DUSP16: variants seen among roughly 807,000 people sequenced by gnomAD.
DUSP16 encodes the protein dual specificity protein phosphatase 16.
DUSP16 carries 21 observed loss-of-function variants against 58.3 expected under a neutral mutation model. That is an observed-to-expected ratio of 0.36 (90% CI 0.26 to 0.52). DUSP16 has a LOEUF of 0.52. Ranked by LOEUF, DUSP16 falls within the 20% of genes least tolerant of loss-of-function variation. The pLI is 0.94. For missense variants in DUSP16, 726 were observed against 819.0 expected, an observed-to-expected ratio of 0.89 and a Z score of 1.39; for synonymous variants, 320 against 323.8, an observed-to-expected ratio of 0.99 and a Z score of 0.12.
intron 4 of DUSP16, among the ~76,000 whole-genome samples, chr12:12,492,751 C>G (rs1163041777): frequency 6.6e-6 from 1 of 152,086 alleles, no homozygotes; most frequent in Non-Finnish European, 1.5e-5. Flanking sequence ...AACACTCTAC[C>G]AAAACTGCTC....
rs1256601741 is a variant in DUSP16 at position 12,503,678 on chromosome 12, G to A, written c.368-2996C>T. ...ACTGGCGTCCTGCAAGAAGCTGACAGACAGGATAGCGGTCTAAAAAGTGAG... is the reference window on the plus strand; with the variant it reads ...ACTGGCGTCCTGCAAGAAGCTGACAAACAGGATAGCGGTCTAAAAAGTGAG... On this transcript the variant is annotated intron_variant, in intron 3 of 6. Coordinates refer to ENST00000298573, the MANE Select transcript of DUSP16 (RefSeq NM_030640.3). 2.0e-5 allele frequency among the ~76,000 whole-genome samples: 3 copies of A among 152,272 alleles called. No individual in the cohort carries two copies. The East Asian group carries it at 5.8e-4, about 29-fold the overall frequency.
At position 12,477,145 on chromosome 12, in the gene DUSP16, C is replaced by T; in HGVS notation, c.1686G>A (p.Glu562=). The change falls in exon 7 of 7, where the codon GAG becomes GAA. Residue 562 remains glutamate, a synonymous_variant. Transcript: ENST00000298573. The surrounding 1 kb of genome is among the most constrained non-coding windows in gnomAD (Gnocchi z 4.1). The stretch of plus-strand genomic sequence containing the variant: ...CTGAGGCAGAGTAGAAGTGTGAGGA[C>T]TCTGTGGCAAAATACCAGCTGCTGG... The part of the protein sequence containing the change: ...SLTSSWYFAT[E]SSHFYSASAI... The T allele has an allele frequency of 3.1e-6, 5 of 1,614,212 alleles. No individual in the cohort carries two copies. Among genetic ancestry groups the T allele is most frequent in the East Asian group, 4.5e-5 (2 of 44,880 alleles).
At chr12:12,494,418 G>T (rs1943801127) in intron 4 of DUSP16, among the ~76,000 whole-genome samples, 2 of 152,174 alleles carry the variant, frequency 1.3e-5, no homozygotes, top group Non-Finnish European at 2.9e-5. Flanking sequence ...AAAAGCAAGT[G>T]TTCTCACTGA....
intron 1 of DUSP16, among the ~76,000 whole-genome samples, chr12:12,532,081 C>A (rs943223644): frequency 2.6e-5 from 4 of 152,058 alleles, no homozygotes; most frequent in Admixed American, 2.0e-4. Flanking sequence ...TGGCGTGAAC[C>A]CGGGAAGCGG....
rs535785418 is a variant in DUSP16 at position 12,524,511 on chromosome 12, G to GATA, written c.-365-3049_-365-3048insTAT. Among the ~76,000 whole-genome samples, 864 of 152,332 alleles carry GATA rather than the reference G, an allele frequency of 5.7e-3. 4 individuals carry two copies. Among genetic ancestry groups the GATA allele is most frequent in the Non-Finnish European group, 9.7e-3 (658 of 68,034 alleles). ...TGGTTAAATCTCCATCACTGGCTAT[G>GATA]AGTCTAATTTTAAAAATTTCTCTGT... On this transcript the variant is annotated intron_variant, in intron 1 of 6. Coordinates refer to ENST00000298573, the MANE Select transcript of DUSP16 (RefSeq NM_030640.3).
intron 3 of DUSP16, among the ~76,000 whole-genome samples, chr12:12,502,008 A>C (rs1017907849): frequency 7.4e-6 from 1 of 135,956 alleles, no homozygotes; most frequent in Non-Finnish European, 1.8e-5. Context: ...AAATAAAAAT[A>C]AAAAAACAAC....
Position 12,483,169 on chromosome 12 carries a change from A to C in DUSP16, c.692-2823T>G, listed in dbSNP as rs140884243. Among the ~76,000 whole-genome samples, 16 of 152,316 alleles carry C rather than the reference A, an allele frequency of 1.1e-4. No homozygotes were observed. In the East Asian group the frequency reaches 2.9e-3, roughly 28 times the overall value. On this transcript the variant is annotated intron_variant, in intron 5 of 6. Transcript: ENST00000298573. Reference sequence around the variant, plus strand: ...AAAGGGGAGAGAGAACTGCAAATGAAAAGGGCAAAGATGCAGTGAGGATGA... The same window carrying C: ...AAAGGGGAGAGAGAACTGCAAATGACAAGGGCAAAGATGCAGTGAGGATGA...
At chr12:12,486,988 G>GA in intron 5 of DUSP16, 40 bp downstream of exon 5, 1 of 1,607,648 alleles carries the variant, frequency 6.2e-7, no homozygotes, top group Non-Finnish European at 8.5e-7. Flanking sequence ...CACATGAGAC[G>GA]ATCACCCACA....
At position 12,476,085 on chromosome 12, in the gene DUSP16, A is replaced by C. The variant is rs984723633; in HGVS notation, c.*748T>G. ...TTCATAAAGCTGAGAAGAAAAAAAA[A>C]TTATCTCCATCTAGGCCCACGGGAA... is the stretch of plus-strand genomic sequence containing the variant. On this transcript the variant is annotated 3_prime_UTR_variant, in exon 7 of 7. Transcript: ENST00000298573. The C allele has an allele frequency of 6.6e-6, 1 of 152,542 alleles. No homozygotes were observed. The highest frequency in any genetic ancestry group is 1.5e-5 in the Non-Finnish European group (1 of 68,038). 9.4% of individuals were successfully genotyped at this position (152,542 alleles called of 1,614,324 possible). A position where few individuals can be genotyped will look rare whatever the true frequency, so the allele number is the denominator to read the frequency against.
rs1484619815 is a variant in DUSP16, at chr12:12,476,916, C to T, written c.1915G>A (p.Glu639Lys). 2.5e-6 allele frequency: 4 copies of T among 1,614,076 alleles called. No individual in the cohort carries two copies. The highest frequency in any genetic ancestry group is 3.4e-6 in the Non-Finnish European group (4 of 1,180,050). Residue 639 changes from glutamate (E) to lysine (K), a missense_variant, in exon 7 of 7, where the codon GAG (glutamate) becomes AAG (lysine). Transcript: ENST00000298573. ...CCCAGCTCTTCCCGTGACCTGTTCT[C>T]TGACATGATGCTCTCTCCAAATTCC... ...QMEFGESIMSENRSREELGKV... is the reference protein window; with the variant it reads ...QMEFGESIMSKNRSREELGKV...
In DUSP16 at chr12:12,532,903, G is replaced by A. The variant is rs1055126596; in HGVS notation, c.-365-11440C>T. Among the ~76,000 whole-genome samples the A allele has an allele frequency of 3.4e-5, 5 of 149,012 alleles. No individual in the cohort carries two copies. The East Asian group carries it at 7.9e-4, about 24-fold the overall frequency. On this transcript the variant is annotated intron_variant, in intron 1 of 6. Transcript: ENST00000298573. ...GCGGAGGTTGCAGTGAGCCGGGATC[G>A]CTCCATTGCACTCCAGCCTGGGGGA...
chr12:12,507,055 A>G (rs976649443), intron 3 of DUSP16, among the ~76,000 whole-genome samples: 1 of 152,138 alleles, frequency 6.6e-6, no homozygotes, highest in African/African-American at 2.4e-5. Flanking sequence ...GGGGGGGAAA[A>G]ATCTGCCAAG....
chr12:12,494,830 C>T (rs1943807074), intron 4 of DUSP16, among the ~76,000 whole-genome samples: 1 of 152,170 alleles, frequency 6.6e-6, no homozygotes, highest in Non-Finnish European at 1.5e-5. Context: ...AGCTACAGAA[C>T]TTTATCAAAT....
At chr12:12,488,381 CAG>C (rs1484554329) in intron 4 of DUSP16, among the ~76,000 whole-genome samples, 1 of 152,214 alleles carries the variant, frequency 6.6e-6, no homozygotes, top group Non-Finnish European at 1.5e-5. Flanking sequence ...TTACCATTAA[CAG>C]ATAATTCTCA....
Position 12,477,541 on chromosome 12 carries a change from G to A in DUSP16, c.1290C>T (p.Tyr430=). The change falls in exon 7 of 7, where the codon TAC becomes TAT. Residue 430 remains tyrosine (Y), a synonymous_variant. Transcript: ENST00000298573. This position sits in a 1 kb window ranked among gnomAD's most constrained non-coding sequence, Gnocchi z 4.1. The stretch of plus-strand genomic sequence containing the variant: ...TCCCATCCAGAGTAGTGGAAGGTTT[G>A]TAGTATTCCAAAGCATCTTCTGATG... The part of the protein sequence containing the change: ...FSSSEDALEY[Y]KPSTTLDGTN... The A allele has an allele frequency of 6.2e-7, 1 of 1,610,288 alleles. No homozygotes were observed. The highest frequency in any genetic ancestry group is 2.2e-5 in the East Asian group (1 of 44,840).
chr12:12,540,949 C>CTTTTTT (rs1191975095), intron 1 of DUSP16, among the ~76,000 whole-genome samples: 266 of 43,804 alleles, frequency 6.1e-3, no homozygotes, highest in Non-Finnish European at 8.8e-3. Flanking sequence ...CTTTTCTTTT[C>CTTTTTT]TTTTTTTTTT....
chr12:12,525,587 C>T (rs1944294628), intron 1 of DUSP16, among the ~76,000 whole-genome samples: 1 of 151,754 alleles, frequency 6.6e-6, no homozygotes, highest in Non-Finnish European at 1.5e-5. Flanking sequence ...TAAAAGATAA[C>T]TCCAGCTGGG....
chr12:12,516,242 C>A (rs1463602696), intron 3 of DUSP16, among the ~76,000 whole-genome samples: 1 of 152,098 alleles, frequency 6.6e-6, no homozygotes, highest in Non-Finnish European at 1.5e-5. Context: ...TGGGCTCAAG[C>A]AATCCTCCCC....
In DUSP16 at chr12:12,502,605, G is replaced by A. The variant is rs183340904; in HGVS notation, c.368-1923C>T. ...TTGCTCTTGTTGCCCAGGCTAGAGT[G>A]CGATGGCATGATCTCAGCTCACTGC... On this transcript the variant is annotated intron_variant, in intron 3 of 6. Transcript: ENST00000298573. 3.1e-4 allele frequency among the ~76,000 whole-genome samples: 45 copies of A among 146,718 alleles called. No homozygotes were observed. In the East Asian group the frequency reaches 9.0e-3, roughly 29 times the overall value.
Sources: gnomAD v4.1 joint callset for allele counts (sites outside exome capture counted in the v4.1 genomes callset) on GRCh38, gnomAD v4.1.1 for gene constraint, Gnocchi (gnomAD v3.1) non-coding constraint, MANE v1.5 for transcripts, NCBI Gene and HGNC (gene_info 2026-07-23, HGNC 2026-07-21) for gene names.